STRN3: variants seen among roughly 807,000 people sequenced by gnomAD.
The protein encoded by STRN3 is striatin 3.
In STRN3, 29 loss-of-function variants were observed where a neutral mutation model predicts 95.6. The observed-to-expected ratio is 0.30, with a 90% CI of 0.23 to 0.41. The LOEUF is 0.41. Ranked by LOEUF, STRN3 falls within the 10% of genes least tolerant of loss-of-function variation. The pLI is 1.00. For synonymous variants in STRN3, 331 were observed against 357.6 expected (o/e 0.93, Z 0.84); for missense variants, 890 against 972.1 (o/e 0.92, Z 1.12).
intron 3 of STRN3, among the ~76,000 whole-genome samples, chr14:30,951,528 G>C (rs184973092): frequency 1.6e-3 from 247 of 152,190 alleles, no homozygotes; most frequent in South Asian, 0.011. Context: ...CACCATGCCT[G>C]GCAATTTAAT....
At chr14:30,897,871 CCA>C (rs1896200198) in intron 16 of STRN3, among the ~76,000 whole-genome samples, 1 of 152,132 alleles carries the variant, frequency 6.6e-6, no homozygotes, top group Non-Finnish European at 1.5e-5. Context: ...CTATAAAAGA[CCA>C]CAGTGTATAA....
intron 7 of STRN3, among the ~76,000 whole-genome samples, chr14:30,934,756 C>A (rs1194770198): frequency 1.3e-5 from 2 of 152,142 alleles, no homozygotes; most frequent in East Asian, 3.9e-4. Context: ...ATTACTAATT[C>A]TAGTAATTAG....
chr14:30,947,121 A>G lies in STRN3; in HGVS notation c.685T>C (p.Ser229Pro). Residue 229 changes from serine to proline, a missense_variant, in exon 5 of 18, where the codon TCT (serine) becomes CCT (proline). Ser to Pro is a moderately conservative substitution (Grantham distance 74). Around this residue, in one of 3 missense-constraint regions of STRN3, gnomAD observed 526 missense variants for 526.3 expected, o/e 1.00. Transcript: ENST00000357479. ...NLEQILNGGE[S>P]PKQKGQEIKR... The stretch of plus-strand genomic sequence containing the variant: ...ATTTCTTGTCCCTTTTGCTTAGGAG[A>G]TTCACCTCCATTCAGGATCTGTTCT... The G allele has an allele frequency of 6.2e-7, 1 of 1,604,624 alleles. No homozygotes were observed. Among genetic ancestry groups the G allele is most frequent in the Non-Finnish European group, 8.5e-7 (1 of 1,177,376 alleles).
intron 1 of STRN3, among the ~76,000 whole-genome samples, chr14:30,994,821 T>A (rs1320478757): frequency 3.3e-5 from 5 of 152,218 alleles, no homozygotes; most frequent in Non-Finnish European, 5.9e-5. Flanking sequence ...TATGCGACAT[T>A]AATGCCACAT....
In STRN3 at chr14:30,919,833, A is replaced by G. The variant is rs528024501; in HGVS notation, c.1100-727T>C. On this transcript the variant is annotated intron_variant, in intron 8 of 17. Transcript: ENST00000357479. Reference sequence around the variant, plus strand: ...CTGGATAATTCAGGCCAAAATATATAAAACTCAAAAGCTTCTGTACCATTG... The same window carrying G: ...CTGGATAATTCAGGCCAAAATATATGAAACTCAAAAGCTTCTGTACCATTG... Among the ~76,000 whole-genome samples, 5 of 152,322 alleles carry G rather than the reference A, an allele frequency of 3.3e-5. No homozygotes were observed. The East Asian group carries it at 9.6e-4, about 29-fold the overall frequency.
intron 13 of STRN3, among the ~76,000 whole-genome samples, chr14:30,908,365 T>C (rs985328861): frequency 6.6e-6 from 1 of 152,182 alleles, no homozygotes; most frequent in Non-Finnish European, 1.5e-5. Flanking sequence ...CAATCCTTGC[T>C]AATGATGATC....
chr14:31,016,715 T>C (rs1290870386), intron 1 of STRN3, among the ~76,000 whole-genome samples: 1 of 152,110 alleles, frequency 6.6e-6, no homozygotes, highest in Non-Finnish European at 1.5e-5. Context: ...TGGCTAACTT[T>C]TATATTTTTA....
At chr14:30,898,470 T>C (rs1896216635) in intron 16 of STRN3, among the ~76,000 whole-genome samples, 1 of 152,218 alleles carries the variant, frequency 6.6e-6, no homozygotes, top group South Asian at 2.1e-4. Context: ...ACCCTCACCC[T>C]GATTATCTTA....
intron 1 of STRN3, among the ~76,000 whole-genome samples, chr14:30,979,474 A>G (rs1419116971): frequency 6.6e-6 from 1 of 152,182 alleles, no homozygotes; most frequent in East Asian, 1.9e-4. Flanking sequence ...ATTTTTATAA[A>G]CTTGTTTCCA....
chr14:30,901,790 T>C (rs1487788504), intron 16 of STRN3, among the ~76,000 whole-genome samples: 1 of 152,150 alleles, frequency 6.6e-6, no homozygotes, highest in Non-Finnish European at 1.5e-5. Flanking sequence ...CTGGTATATT[T>C]CCCTACAACA....
In STRN3 at chr14:30,956,357, T is replaced by G. The variant is rs75361809; in HGVS notation, c.283-115A>C. The G allele has an allele frequency of 8.9e-4, 887 of 993,238 alleles. 8 individuals carry two copies. In the African/African-American group the frequency reaches 0.012, roughly 14 times the overall value. 61.5% of individuals were successfully genotyped at this position (993,238 alleles called of 1,614,324 possible). On this transcript the variant is annotated intron_variant, in intron 1 of 17. Coordinates refer to ENST00000357479, the MANE Select transcript of STRN3 (RefSeq NM_001083893.2). ...CACTTGACTCATGATATCAAGATTT[T>G]AAATTCATAAAAACGGGCCAGGCAA...
At chr14:31,005,229 G>C (rs930935598) in intron 1 of STRN3, among the ~76,000 whole-genome samples, 1 of 152,170 alleles carries the variant, frequency 6.6e-6, no homozygotes, top group African/African-American at 2.4e-5. Context: ...CTACTCAGGA[G>C]GCTGAAGCAG....
intron 1 of STRN3, among the ~76,000 whole-genome samples, chr14:30,990,263 T>C (rs891279206): frequency 1.3e-5 from 2 of 151,082 alleles, no homozygotes; most frequent in South Asian, 2.1e-4. Context: ...CTCGGGTTCA[T>C]GCCATTCTCC....
At chr14:30,915,547 T>A (rs964540710) in intron 9 of STRN3, among the ~76,000 whole-genome samples, 31 of 152,202 alleles carry the variant, frequency 2.0e-4, no homozygotes, top group Admixed American at 1.3e-4. Flanking sequence ...ATTATTAGTA[T>A]GCAGTTATTG....
chr14:30,972,507 A>G lies in STRN3; in HGVS notation c.283-16265T>C, dbSNP rs561653844. Among the ~76,000 whole-genome samples, 10 of 152,330 alleles carry G rather than the reference A, an allele frequency of 6.6e-5. 1 individual carries two copies. Among genetic ancestry groups the G allele is most frequent in the African/African-American group, 2.2e-4 (9 of 41,582 alleles). ...GAAGTAACTTGCCTTGCTGAGAATT[A>G]AAAAGAAAATTTTATATTCGAGTGT... On this transcript the variant is annotated intron_variant, in intron 1 of 17. Transcript: ENST00000357479.
At chr14:30,929,414 A>T (rs1878367836) in intron 7 of STRN3, 103 bp from the exon 8 acceptor site, 2 of 859,896 alleles carry the variant, frequency 2.3e-6, no homozygotes, top group African/African-American at 3.5e-5. Flanking sequence ...AAAATGTACT[A>T]ATAGCATATA....
In STRN3 at chr14:30,895,519, T is replaced by C. The variant is rs1490858677; in HGVS notation, c.2286A>G (p.Thr762=). ...ATTCATCCAATTTCTTTCTGTGAGC[T>C]GTTATTTCTTGCACACATGTCTTGC... The part of the protein sequence containing the change: ...LDSKTCVQEI[T]AHRKKLDESI... The change falls in exon 18 of 18, where the codon ACA becomes ACG. Residue 762 remains threonine, a synonymous_variant. Coordinates refer to ENST00000357479, the MANE Select transcript of STRN3 (RefSeq NM_001083893.2). 6.2e-7 allele frequency: 1 copy of C among 1,614,168 alleles called. No homozygotes were observed. Among genetic ancestry groups the C allele is most frequent in the East Asian group, 2.2e-5 (1 of 44,882 alleles).
At chr14:30,996,783 T>C (rs1333957210) in intron 1 of STRN3, among the ~76,000 whole-genome samples, 1 of 151,990 alleles carries the variant, frequency 6.6e-6, no homozygotes, top group East Asian at 1.9e-4. Flanking sequence ...GGAGAATCGC[T>C]TGAACCCAGG....
intron 13 of STRN3, 132 bp from the exon 14 acceptor site, chr14:30,907,176 G>T: frequency 1.1e-6 from 1 of 941,230 alleles, no homozygotes. Context: ...AAACTAAAGT[G>T]TACATAGTGG....
Sources: gnomAD v4.1 joint callset for allele counts (sites outside exome capture counted in the v4.1 genomes callset) on GRCh38, gnomAD v4.1.1 for gene constraint, gnomAD v4.1.1 regional missense constraint, MANE v1.5 for transcripts, NCBI Gene and HGNC (gene_info 2026-07-23, HGNC 2026-07-21) for gene names.